Variants in SLC15A3 observed in about 807,000 individuals in gnomAD.
SLC15A3 encodes the protein osteoclast transporter.
In SLC15A3, 39 loss-of-function variants were observed where a neutral mutation model predicts 49.2. The observed-to-expected ratio is 0.79, with a 90% CI of 0.61 to 1.04. The LOEUF (loss-of-function observed/expected upper bound fraction) is 1.04, where lower values mean the gene tolerates loss of function less well. Ranked by LOEUF, SLC15A3 falls within the 50% of genes least tolerant of loss-of-function variation. The pLI is 0.00. For missense variants in SLC15A3, 758 were observed against 794.8 expected (o/e 0.95, Z 0.56); for synonymous variants, 339 against 367.0 (o/e 0.92, Z 0.87).
In SLC15A3 at chr11:60,951,213, G is replaced by A. The variant is rs1413662766; in HGVS notation, c.339C>T (p.Ala113=). ...CGGTGGCGGGCAGCAGGCCCGAGGCGGCCAGGTAGAGCAGCAGGCTGAGCG... is the reference window on the plus strand; with the variant it reads ...CGGTGGCGGGCAGCAGGCCCGAGGCAGCCAGGTAGAGCAGCAGGCTGAGCG... ...AVALSLLLYL[A]ASGLLPATAF... Residue 113 remains alanine, a synonymous_variant, in exon 1 of 8, where the codon GCC becomes GCT. Transcript: ENST00000227880. 3 of 1,504,492 alleles carry A rather than the reference G, an allele frequency of 2.0e-6. No individual in the cohort carries two copies. The highest frequency in any genetic ancestry group is 1.5e-5 in the African/African-American group (1 of 68,678). 93.2% of individuals were successfully genotyped at this position (1,504,492 alleles called of 1,614,324 possible). A position where few individuals can be genotyped will look rare whatever the true frequency, so the allele number is the denominator to read the frequency against.
Position 60,937,279 on chromosome 11 carries a change from G to C in SLC15A3, c.1686C>G (p.Arg562=). ...CTGGGCCCTGGGACGCCCTCTCATA[G>C]CGTCCAGCGATCCAGACAAATAGGA... is the stretch of plus-strand genomic sequence containing the variant. ...TALLFVWIAG[R]YERASQGPAS... The change falls in exon 8 of 8, where the codon CGC becomes CGG. Residue 562 remains arginine, a synonymous_variant. Coordinates refer to ENST00000227880, the MANE Select transcript of SLC15A3 (RefSeq NM_016582.3). The C allele has an allele frequency of 6.2e-7, 1 of 1,614,162 alleles. No individual in the cohort carries two copies. The highest frequency in any genetic ancestry group is 8.5e-7 in the Non-Finnish European group (1 of 1,180,024).
At chr11:60,944,838 T>C (rs1856778630) in intron 2 of SLC15A3, among the ~76,000 whole-genome samples, 1 of 152,178 alleles carries the variant, frequency 6.6e-6, no homozygotes, top group African/African-American at 2.4e-5. Flanking sequence ...TGCTGCAGCC[T>C]TTACCCTTTG....
intron 2 of SLC15A3, 111 bp downstream of exon 2, chr11:60,946,421 G>A: frequency 8.1e-7 from 1 of 1,241,742 alleles, no homozygotes; most frequent in East Asian, 2.5e-5. Flanking sequence ...ATCATAAAAA[G>A]CTATCACTGT....
intron 4 of SLC15A3, 159 bp downstream of exon 4, chr11:60,941,876 G>T (rs868338969): frequency 1.4e-6 from 1 of 698,802 alleles, no homozygotes; most frequent in Middle Eastern, 2.7e-4. Flanking sequence ...TCCCTGCGCT[G>T]TGACACAAGT....
intron 1 of SLC15A3, 62 bp downstream of exon 1, chr11:60,950,932 G>A (rs1259477274): frequency 1.5e-6 from 2 of 1,375,648 alleles, no homozygotes; most frequent in African/African-American, 3.1e-5. Context: ...TCACGCTGGG[G>A]GCCAGCCCTC....
At chr11:60,950,716 G>A (rs959213700) in intron 1 of SLC15A3, among the ~76,000 whole-genome samples, 1 of 152,222 alleles carries the variant, frequency 6.6e-6, no homozygotes, top group Admixed American at 6.5e-5. Flanking sequence ...GCTTGAACCC[G>A]GGAGGCTGAG....
chr11:60,949,518 A>G (rs1461520243), intron 1 of SLC15A3, among the ~76,000 whole-genome samples: 1 of 72,498 alleles, frequency 1.4e-5, no homozygotes, highest in Non-Finnish European at 3.6e-5. Flanking sequence ...GAAAGAAAGA[A>G]AGAAAGAAAG....
rs1322440118 is a variant in SLC15A3, at chr11:60,951,271, G to A, written c.281C>T (p.Ala94Val). The A allele has an allele frequency of 4.0e-6, 6 of 1,514,710 alleles. No homozygotes were observed. The highest frequency in any genetic ancestry group is 2.5e-5 in the South Asian group (2 of 80,842). The allele number at this position is 1,514,710 out of a possible 1,614,324, so 93.8% of individuals were successfully genotyped here. ...YLLAPVGGWL[A>V]DVYLGRYRAV... is the part of the protein sequence containing the mutation. ...GCGGTAGCGGCCCAGGTACACGTCGGCCAGCCAGCCGCCCACGGGCGCCAG... is the reference window on the plus strand; with the variant it reads ...GCGGTAGCGGCCCAGGTACACGTCGACCAGCCAGCCGCCCACGGGCGCCAG... The change falls in exon 1 of 8, where the codon GCC becomes GTC. Residue 94 changes from alanine (A) to valine (V), a missense_variant. Coordinates refer to ENST00000227880, the MANE Select transcript of SLC15A3 (RefSeq NM_016582.3).
intron 6 of SLC15A3, 132 bp downstream of exon 6, chr11:60,939,348 C>T: frequency 9.1e-7 from 1 of 1,099,344 alleles, no homozygotes; most frequent in Non-Finnish European, 1.3e-6. Context: ...GTGAATGAGC[C>T]CTGGTCAGAA....
chr11:60,943,845 C>T lies in SLC15A3; in HGVS notation c.849-9G>A. On this transcript the variant is annotated splice_polypyrimidine_tract_variant and intron_variant, in intron 2 of 7. Transcript: ENST00000227880. The stretch of plus-strand genomic sequence containing the variant: ...GGGCACATTGACGGTCTCTGTGAGA[C>T]CCCAGAGGCAGCAGATAAAACAACA... 6 of 1,534,376 alleles carry T rather than the reference C, an allele frequency of 3.9e-6. No homozygotes were observed. Among genetic ancestry groups the T allele is most frequent in the Non-Finnish European group, 5.3e-6 (6 of 1,134,208 alleles).
At chr11:60,939,012 G>A (rs1856669789) in intron 6 of SLC15A3, among the ~76,000 whole-genome samples, 1 of 152,218 alleles carries the variant, frequency 6.6e-6, no homozygotes, top group Non-Finnish European at 1.5e-5. Context: ...GGGTTGGGAG[G>A]GTGGGGAGCG....
chr11:60,949,106 C>T (rs1856847675), intron 1 of SLC15A3, among the ~76,000 whole-genome samples: 2 of 152,006 alleles, frequency 1.3e-5, no homozygotes, highest in South Asian at 2.1e-4. Flanking sequence ...GAGGCTGAGG[C>T]AGGTGGATCA....
At chr11:60,950,258 C>T (rs535922138) in intron 1 of SLC15A3, among the ~76,000 whole-genome samples, 1 of 152,296 alleles carries the variant, frequency 6.6e-6, no homozygotes, top group South Asian at 2.1e-4. Flanking sequence ...TCCTGCCCTG[C>T]CCGCACATCC....
chr11:60,951,214 G>A lies in SLC15A3; in HGVS notation c.338C>T (p.Ala113Val), dbSNP rs569540944. ...AVALSLLLYL[A>V]ASGLLPATAF... ...GGTGGCGGGCAGCAGGCCCGAGGCGGCCAGGTAGAGCAGCAGGCTGAGCGC... is the reference window on the plus strand; with the variant it reads ...GGTGGCGGGCAGCAGGCCCGAGGCGACCAGGTAGAGCAGCAGGCTGAGCGC... The change falls in exon 1 of 8, where the codon GCC becomes GTC. Residue 113 changes from alanine (A) to valine (V), a missense_variant. Physicochemically the swap from Ala to Val is moderately conservative, Grantham distance 64. Coordinates refer to ENST00000227880, the MANE Select transcript of SLC15A3 (RefSeq NM_016582.3). 11 of 1,504,314 alleles carry A rather than the reference G, an allele frequency of 7.3e-6. No homozygotes were observed. Among genetic ancestry groups the A allele is most frequent in the African/African-American group, 2.9e-5 (2 of 68,666 alleles). The allele number at this position is 1,504,314 out of a possible 1,614,324, so 93.2% of individuals were successfully genotyped here.
At position 60,937,375 on chromosome 11, in the gene SLC15A3, T is replaced by A. The variant is rs1856633331; in HGVS notation, c.1592-2A>T. On this transcript the variant is annotated splice_acceptor_variant, in intron 7 of 7. Transcript: ENST00000227880. LOFTEE classifies it high-confidence loss of function. ...CCATCCGGCAATTGTTGATGTTCCC[T>A]GGGGAAAGGAGGGGTTAGATTTGGG... The A allele has an allele frequency of 1.9e-6, 3 of 1,614,014 alleles. No individual in the cohort carries two copies. The highest frequency in any genetic ancestry group is 2.5e-6 in the Non-Finnish European group (3 of 1,179,972).
intron 2 of SLC15A3, among the ~76,000 whole-genome samples, chr11:60,946,062 G>A (rs1017904281): frequency 6.6e-6 from 1 of 151,394 alleles, no homozygotes; most frequent in East Asian, 1.9e-4. Context: ...GCACCATCAT[G>A]GCTCACTCCA....
chr11:60,937,991 G>A lies in SLC15A3; in HGVS notation c.1470C>T (p.Ser490=), dbSNP rs1856648291. 1.2e-6 allele frequency: 2 copies of A among 1,613,968 alleles called. No individual in the cohort carries two copies. Among genetic ancestry groups the A allele is most frequent in the South Asian group, 2.2e-5 (2 of 91,076 alleles). The change falls in exon 7 of 8, where the codon TCC becomes TCT. Residue 490 remains serine, a synonymous_variant. Coordinates refer to ENST00000227880, the MANE Select transcript of SLC15A3 (RefSeq NM_016582.3). The stretch of plus-strand genomic sequence containing the variant: ...AGATGCCCATGATGGCGCCCTGCAT[G>A]GAGCGCGGGGCCTCTGAGTAGGCAA... ...LEFAYSEAPR[S]MQGAIMGIFF...
intron 1 of SLC15A3, among the ~76,000 whole-genome samples, chr11:60,950,369 C>T (rs1489825575): frequency 1.3e-5 from 2 of 152,200 alleles, no homozygotes; most frequent in African/African-American, 4.8e-5. Context: ...TTGATTAATG[C>T]CATGAAACCT....
Position 60,941,001 on chromosome 11 carries a change from A to G in SLC15A3, c.1276+121T>C, listed in dbSNP as rs997680302. 6 of 1,126,140 alleles carry G rather than the reference A, an allele frequency of 5.3e-6. No homozygotes were observed. In the African/African-American group the frequency reaches 6.4e-5, roughly 12 times the overall value. The allele number at this position is 1,126,140 out of a possible 1,614,324, so 69.8% of individuals were successfully genotyped here. On this transcript the variant is annotated intron_variant, in intron 5 of 7. Transcript: ENST00000227880. Reference sequence around the variant, plus strand: ...CAGCTTGCACCTCTGGGAAGCCAACACTGACGCCCACTGGGAGAGGCTGAA... The same window carrying G: ...CAGCTTGCACCTCTGGGAAGCCAACGCTGACGCCCACTGGGAGAGGCTGAA...
Sources: allele counts gnomAD v4.1 joint callset (sites outside exome capture counted in the v4.1 genomes callset), GRCh38; gene constraint gnomAD v4.1.1; transcripts MANE v1.5; gene names NCBI Gene and HGNC (gene_info 2026-07-23, HGNC 2026-07-21).